The following YEATS2 variants were observed in gnomAD, a reference collection of about 807,000 sequenced individuals.
YEATS2 encodes the protein YEATS domain containing 2.
YEATS2 carries 77 observed loss-of-function variants against 163.2 expected under a neutral mutation model. The observed-to-expected ratio is 0.47, with a 90% confidence interval of 0.39 to 0.57. YEATS2 has a LOEUF of 0.57. Among genes scored for constraint, YEATS2 ranks in the 20% least tolerant of loss-of-function variants. The pLI is 0.00. For missense variants in YEATS2, 1,549 were observed against 1,729.8 expected (o/e 0.90, Z 1.85); for synonymous variants, 631 against 645.1 (o/e 0.98, Z 0.33).
rs1446934604 is a variant in YEATS2 at position 183,773,537 on chromosome 3, G to A, written c.2207-96G>A. Reference sequence around the variant, plus strand: ...AACTTTGAATTTATTGCTTGTTAGTGTTCTAAAATAAGAATTTATTGCCTT... The same window carrying A: ...AACTTTGAATTTATTGCTTGTTAGTATTCTAAAATAAGAATTTATTGCCTT... On this transcript the variant is annotated intron_variant, in intron 16 of 30. Coordinates refer to ENST00000305135, the MANE Select transcript of YEATS2 (RefSeq NM_018023.5). The A allele has an allele frequency of 1.1e-5, 14 of 1,229,752 alleles. No homozygotes were observed. The East Asian group carries it at 2.0e-4, about 18-fold the overall frequency. 76.2% of individuals were successfully genotyped at this position (1,229,752 alleles called of 1,614,324 possible). A position where few individuals can be genotyped will look rare whatever the true frequency, so the allele number is the denominator to read the frequency against.
At position 183,786,320 on chromosome 3, in the gene YEATS2, G is replaced by C. The variant is rs1204381953; in HGVS notation, c.2913+19G>C. 2.5e-6 allele frequency: 4 copies of C among 1,592,662 alleles called. No individual in the cohort carries two copies. Among genetic ancestry groups the C allele is most frequent in the Non-Finnish European group, 3.4e-6 (4 of 1,164,538 alleles). On this transcript the variant is annotated intron_variant, in intron 20 of 30. Transcript: ENST00000305135. ...ACAACAGGTGAGAAATAGCATGTCA[G>C]TAGAGAATCCTAATGAGACATGAAA... is the stretch of plus-strand genomic sequence containing the variant.
At chr3:183,803,802 A>G (rs1186809193) in intron 26 of YEATS2, 185 bp from the exon 27 acceptor site, 2 of 630,410 alleles carry the variant, frequency 3.2e-6, no homozygotes, top group Non-Finnish European at 5.4e-6. Flanking sequence ...TTGCTGTTTT[A>G]TTGTATTAGC....
chr3:183,729,244 C>T (rs1282340708), intron 7 of YEATS2, among the ~76,000 whole-genome samples: 3 of 151,496 alleles, frequency 2.0e-5, no homozygotes, highest in Non-Finnish European at 4.4e-5. Context: ...TGCACTCCAG[C>T]CTGGGCGACA....
At chr3:183,791,034 A>ATT (rs757961295) in intron 21 of YEATS2, 54 bp downstream of exon 21, 41 of 1,583,510 alleles carry the variant, frequency 2.6e-5, no homozygotes, top group Admixed American at 1.6e-4. Flanking sequence ...GGGCTGGAAT[A>ATT]TTTTTGTTTG....
chr3:183,769,252 A>G (rs1053125934), intron 15 of YEATS2, among the ~76,000 whole-genome samples: 1 of 140,576 alleles, frequency 7.1e-6, no homozygotes, highest in South Asian at 2.5e-4. Flanking sequence ...TAGCAGGCGG[A>G]TCCCCATGTT....
At chr3:183,781,619 A>G (rs765810491) in intron 19 of YEATS2, among the ~76,000 whole-genome samples, 1 of 152,362 alleles carries the variant, frequency 6.6e-6, no homozygotes, top group East Asian at 1.9e-4. Context: ...ACCAGGCTCA[A>G]GAAAATTCAA....
At chr3:183,750,875 T>C (rs1157033586) in intron 9 of YEATS2, among the ~76,000 whole-genome samples, 2 of 152,204 alleles carry the variant, frequency 1.3e-5, no homozygotes, top group African/African-American at 2.4e-5. Context: ...TTTGCAAATA[T>C]TTACTTCCAT....
Position 183,804,133 on chromosome 3 carries a change from G to A in YEATS2, c.3729G>A (p.Leu1243=), listed in dbSNP as rs752207829. 4.3e-6 allele frequency: 7 copies of A among 1,614,046 alleles called. No homozygotes were observed. The Admixed American group carries it at 5.0e-5, about 12-fold the overall frequency. Residue 1243 remains leucine (L), a synonymous_variant, in exon 27 of 31, where the codon CTG becomes CTA. Coordinates refer to ENST00000305135, the MANE Select transcript of YEATS2 (RefSeq NM_018023.5). ...ACACCCCACCGGACCCTGAGAGCCT[G>A]AGGAATGACGGGGACTCCATCGAGG... ...HGYTPPDPES[L]RNDGDSIEDV...
At chr3:183,795,187 AAAAG>A (rs796648200) in intron 21 of YEATS2, among the ~76,000 whole-genome samples, 4,917 of 151,086 alleles carry the variant, frequency 0.033, 291 homozygotes, top group African/African-American at 0.11. Context: ...AAAAAAAAGA[AAAAG>A]AAAAAAAGAA....
intron 15 of YEATS2, among the ~76,000 whole-genome samples, chr3:183,762,850 G>A (rs889691514): frequency 2.0e-5 from 3 of 151,938 alleles, no homozygotes; most frequent in African/African-American, 7.3e-5. Context: ...GCAGGAGTTC[G>A]AGACCAGCCT....
chr3:183,722,278 CTTTTTTTTTTT>C (rs200048624), intron 5 of YEATS2, 142 bp downstream of exon 5: 13,129 of 307,468 alleles, frequency 0.043, 65 homozygotes, highest in East Asian at 0.092. Context: ...GAAACCAAAT[CTTTTTTTTTTT>C]TTTTTTTTTT....
intron 29 of YEATS2, chr3:183,808,613 T>C (rs1027892869): frequency 2.9e-5 from 5 of 171,764 alleles, no homozygotes; most frequent in Non-Finnish European, 3.7e-5. Flanking sequence ...CTCAGCACTT[T>C]GGGAGGCCGA....
At position 183,806,926 on chromosome 3, in the gene YEATS2, A is replaced by G. The variant is rs1228313093; in HGVS notation, c.3845A>G (p.Gln1282Arg). Residue 1282 changes from glutamine (Q) to arginine (R), a missense_variant, in exon 28 of 31, where the codon CAG becomes CGG. Coordinates refer to ENST00000305135, the MANE Select transcript of YEATS2 (RefSeq NM_018023.5). Reference sequence around the variant, plus strand: ...TGCCGCAAACTGGAGGACCTGCAACAGTTCCAGAAAAGGGAACCCGAGAAT... The same window carrying G: ...TGCCGCAAACTGGAGGACCTGCAACGGTTCCAGAAAAGGGAACCCGAGAAT... The part of the protein sequence containing the change: ...NLCRKLEDLQ[Q>R]FQKREPENEE... 2 of 1,614,154 alleles carry G rather than the reference A, an allele frequency of 1.2e-6. No individual in the cohort carries two copies. Among genetic ancestry groups the G allele is most frequent in the Non-Finnish European group, 1.7e-6 (2 of 1,180,028 alleles).
chr3:183,735,617 C>T (rs187383999), intron 7 of YEATS2, among the ~76,000 whole-genome samples: 3 of 152,230 alleles, frequency 2.0e-5, no homozygotes, highest in African/African-American at 7.2e-5. Flanking sequence ...CTTTTCAGGT[C>T]GTGTTCTTGA....
intron 5 of YEATS2, among the ~76,000 whole-genome samples, chr3:183,723,316 A>AT (rs543985675): frequency 9.1e-4 from 138 of 152,280 alleles, no homozygotes; most frequent in African/African-American, 3.2e-3. Flanking sequence ...TAGAGCAGCG[A>AT]TTTTTCTCAG....
At chr3:183,793,540 TC>T in intron 21 of YEATS2, 3 of 690,666 alleles carry the variant, frequency 4.3e-6, no homozygotes, top group Non-Finnish European at 5.3e-6. Context: ...AGATGAAGTC[TC>T]CCTGCTGTAA....
At chr3:183,711,703 T>C (rs1429731538) in intron 1 of YEATS2, among the ~76,000 whole-genome samples, 3 of 152,120 alleles carry the variant, frequency 2.0e-5, no homozygotes, top group Non-Finnish European at 4.4e-5. Context: ...GATGTGGGAC[T>C]TCCATATGTA....
At chr3:183,708,461 A>G (rs1283148516) in intron 1 of YEATS2, among the ~76,000 whole-genome samples, 1 of 152,216 alleles carries the variant, frequency 6.6e-6, no homozygotes, top group Admixed American at 6.5e-5. Context: ...CTCGAGAGCT[A>G]AGACCTCGAA....
intron 9 of YEATS2, among the ~76,000 whole-genome samples, chr3:183,747,946 A>G (rs563978850): frequency 6.6e-6 from 1 of 151,744 alleles, no homozygotes; most frequent in South Asian, 2.1e-4. Context: ...TGCCTGGCTA[A>G]TTTTTATATT....
Sources: gnomAD v4.1 joint callset for allele counts (sites outside exome capture counted in the v4.1 genomes callset) on GRCh38, gnomAD v4.1.1 for gene constraint, MANE v1.5 for transcripts, NCBI Gene and HGNC (gene_info 2026-07-23, HGNC 2026-07-21) for gene names.